Variants in MAGOH observed in about 807,000 individuals in gnomAD.
The protein encoded by MAGOH is mago homolog, exon junction complex subunit.
Under a neutral mutation model 20.9 loss-of-function variants are expected in MAGOH, and 3 were observed. That is an observed-to-expected ratio of 0.14 (90% CI 0.07 to 0.37). The LOEUF is 0.37. MAGOH is among the 10% of genes least tolerant of loss of function. The pLI is 1.00. For synonymous variants in MAGOH, 51 were observed against 61.0 expected (o/e 0.84, Z 0.76); for missense variants, 66 against 178.1 (o/e 0.37, Z 3.58).
intron 3 of MAGOH, among the ~76,000 whole-genome samples, chr1:53,232,061 T>C (rs1557728061): frequency 6.6e-6 from 1 of 152,226 alleles, no homozygotes; most frequent in African/African-American, 2.4e-5. Flanking sequence ...GAATATGCCC[T>C]TCCCTCTTTA....
At chr1:53,232,118 A>G (rs1308446973) in intron 3 of MAGOH, among the ~76,000 whole-genome samples, 2 of 152,204 alleles carry the variant, frequency 1.3e-5, no homozygotes, top group East Asian at 1.9e-4. Flanking sequence ...TAAAAATTTT[A>G]TAAGTGGTAA....
At chr1:53,230,332 T>C (rs1325097077) in intron 3 of MAGOH, among the ~76,000 whole-genome samples, 2 of 152,208 alleles carry the variant, frequency 1.3e-5, no homozygotes, top group African/African-American at 4.8e-5. Context: ...AAGTAAAATA[T>C]TACAAAGTTT....
intron 3 of MAGOH, among the ~76,000 whole-genome samples, chr1:53,232,800 C>T (rs1001530046): frequency 6.6e-6 from 1 of 152,124 alleles, no homozygotes; most frequent in Non-Finnish European, 1.5e-5. Flanking sequence ...AGCAAATTTA[C>T]GTTTTTAAAG....
chr1:53,228,125 C>A (rs1645569162), intron 4 of MAGOH, among the ~76,000 whole-genome samples: 1 of 152,094 alleles, frequency 6.6e-6, no homozygotes, highest in Non-Finnish European at 1.5e-5. Flanking sequence ...CAAACCAATG[C>A]TTTTGTAAAA....
intron 3 of MAGOH, among the ~76,000 whole-genome samples, chr1:53,232,212 TA>T (rs917928648): frequency 3.3e-5 from 5 of 152,120 alleles, no homozygotes; most frequent in Admixed American, 2.6e-4. Context: ...GGTGGATTTT[TA>T]AAAAAAACTC....
In MAGOH at chr1:53,227,076, A is replaced by G. The variant is rs1186314926; in HGVS notation, c.410T>C (p.Ile137Thr). The stretch of plus-strand genomic sequence containing the variant: ...TGGTTTAATCTTGAAGTGTAATCCA[A>G]TAAGACTGAAGACCAAACACTTCAG... ...QDLKCLVFSLIGLHFKIKPI is the reference protein window; with the variant it reads ...QDLKCLVFSLTGLHFKIKPI The change falls in exon 5 of 5, where the codon ATT (isoleucine) becomes ACT (threonine). Residue 137 changes from isoleucine to threonine, a missense_variant. Ile to Thr is a moderately conservative substitution (Grantham distance 89). Transcript: ENST00000371470. The G allele has an allele frequency of 1.2e-5, 19 of 1,594,812 alleles. No homozygotes were observed. The highest frequency in any genetic ancestry group is 1.5e-5 in the Non-Finnish European group (18 of 1,172,234).
chr1:53,233,494 G>A, intron 3 of MAGOH, 48 bp downstream of exon 3: 1 of 1,306,362 alleles, frequency 7.7e-7, no homozygotes, highest in Non-Finnish European at 1.1e-6. Context: ...AGTGTGGGGG[G>A]TCTTATTTGT....
intron 3 of MAGOH, among the ~76,000 whole-genome samples, chr1:53,229,551 C>G (rs1452259881): frequency 2.6e-5 from 4 of 152,130 alleles, no homozygotes; most frequent in Non-Finnish European, 4.4e-5. Context: ...CTGCGCCCAG[C>G]CTATGTAGTA....
rs1572397613 is a variant in MAGOH, at chr1:53,234,798, CA to C, written c.147+778del. 2.0e-5 allele frequency among the ~76,000 whole-genome samples: 3 copies of C among 152,164 alleles called. No homozygotes were observed. In the East Asian group the frequency reaches 5.8e-4, roughly 29 times the overall value. ...AGCATAAAATCAATAGCTAAAATAACAATATGAAAATATATGCTAAGACATT... is the reference window on the plus strand; with the variant it reads ...AGCATAAAATCAATAGCTAAAATAACATATGAAAATATATGCTAAGACATT... On this transcript the variant is annotated intron_variant, in intron 2 of 4. Transcript: ENST00000371470.
chr1:53,229,154 C>G (rs1210362562), intron 3 of MAGOH, among the ~76,000 whole-genome samples, 200 bp from the exon 4 acceptor site: 3 of 151,694 alleles, frequency 2.0e-5, no homozygotes, highest in Non-Finnish European at 2.9e-5. Flanking sequence ...AAGTTGTACC[C>G]TTAAGGCCCT....
chr1:53,230,112 G>C (rs1005040421), intron 3 of MAGOH, among the ~76,000 whole-genome samples: 1 of 152,156 alleles, frequency 6.6e-6, no homozygotes, highest in African/African-American at 2.4e-5. Context: ...ATTGTTCTCA[G>C]TGCTTTGGAC....
chr1:53,231,926 A>G (rs1572396520), intron 3 of MAGOH, among the ~76,000 whole-genome samples: 1 of 152,180 alleles, frequency 6.6e-6, no homozygotes, highest in African/African-American at 2.4e-5. Context: ...TTGTCCTTCT[A>G]TAAAGCCCTT....
At chr1:53,236,412 G>C (rs886482544) in intron 1 of MAGOH, among the ~76,000 whole-genome samples, 2 of 152,110 alleles carry the variant, frequency 1.3e-5, no homozygotes, top group Non-Finnish European at 2.9e-5. Context: ...CCTCAACATG[G>C]CATACAGCTA....
chr1:53,227,669 T>C (rs1226350101), intron 4 of MAGOH, among the ~76,000 whole-genome samples: 1 of 151,962 alleles, frequency 6.6e-6, no homozygotes, highest in East Asian at 1.9e-4. Context: ...GCCTCCCGAG[T>C]AGCTAGGATT....
chr1:53,235,664 A>G, intron 1 of MAGOH, 29 bp from the exon 2 acceptor site: 1 of 1,584,900 alleles, frequency 6.3e-7, no homozygotes, highest in Non-Finnish European at 8.7e-7. Flanking sequence ...ATTTCAACGT[A>G]TAATAAAAAC....
In MAGOH at chr1:53,227,034, C is replaced by CAAAA; in HGVS notation, c.*10_*11insTTTT. On this transcript the variant is annotated 3_prime_UTR_variant, in exon 5 of 5. Coordinates refer to ENST00000371470, the MANE Select transcript of MAGOH (RefSeq NM_002370.4). ...TCCCACCCACCCCCCATGTCCACAC[C>CAAAA]AATATTCAGTCTAGATTGGTTTAAT... 1 of 1,380,210 alleles carries CAAAA rather than the reference C, an allele frequency of 7.2e-7. No individual in the cohort carries two copies. Among genetic ancestry groups the CAAAA allele is most frequent in the Non-Finnish European group, 1.0e-6 (1 of 996,956 alleles). 85.5% of individuals were successfully genotyped at this position (1,380,210 alleles called of 1,614,324 possible).
chr1:53,237,961 C>G (rs1645621413), intron 1 of MAGOH, among the ~76,000 whole-genome samples: 1 of 152,148 alleles, frequency 6.6e-6, no homozygotes, highest in East Asian at 1.9e-4. Flanking sequence ...TTACAGAGAG[C>G]TCTCTAATGG....
At chr1:53,230,906 TAA>T (rs1022149036) in intron 3 of MAGOH, among the ~76,000 whole-genome samples, 5 of 152,202 alleles carry the variant, frequency 3.3e-5, no homozygotes, top group African/African-American at 9.7e-5. Flanking sequence ...GAAATAAACT[TAA>T]GTTTTAAATT....
chr1:53,238,497 G>A lies in MAGOH; in HGVS notation c.-49C>T, dbSNP rs888231845. Reference sequence around the variant, plus strand: ...TGAACTTCCAAGAGCAAGCCGCACTGCCGCCGTCTGCGCCCGACACTGACG... The same window carrying A: ...TGAACTTCCAAGAGCAAGCCGCACTACCGCCGTCTGCGCCCGACACTGACG... On this transcript the variant is annotated 5_prime_UTR_variant, in exon 1 of 5. Coordinates refer to ENST00000371470, the MANE Select transcript of MAGOH (RefSeq NM_002370.4). 9 of 1,518,552 alleles carry A rather than the reference G, an allele frequency of 5.9e-6. No homozygotes were observed. The highest frequency in any genetic ancestry group is 3.4e-5 in the South Asian group (3 of 89,202). 94.1% of individuals were successfully genotyped at this position (1,518,552 alleles called of 1,614,324 possible). A position where few individuals can be genotyped will look rare whatever the true frequency, so the allele number is the denominator to read the frequency against.
Sources: allele counts gnomAD v4.1 joint callset (sites outside exome capture counted in the v4.1 genomes callset), GRCh38; gene constraint gnomAD v4.1.1; transcripts MANE v1.5; gene names NCBI Gene and HGNC (gene_info 2026-07-23, HGNC 2026-07-21).